GUCY1A2: variants seen among roughly 807,000 people sequenced by gnomAD.
The protein encoded by GUCY1A2 is guanylate cyclase soluble subunit alpha-2.
In GUCY1A2, 27 loss-of-function variants were observed where a neutral mutation model predicts 63.5. That is an observed-to-expected ratio of 0.43 (90% CI 0.31 to 0.59). The LOEUF (loss-of-function observed/expected upper bound fraction) is 0.59, where lower values mean the gene tolerates loss of function less well. Ranked by LOEUF, GUCY1A2 falls within the 20% of genes least tolerant of loss-of-function variation. The pLI, the probability that GUCY1A2 is intolerant of heterozygous loss-of-function variation, is 0.11. For missense variants in GUCY1A2, 768 were observed against 913.3 expected (o/e 0.84, Z 2.05); for synonymous variants, 364 against 343.5 (o/e 1.06, Z -0.66).
chr11:106,783,589 G>A (rs1048695188), intron 5 of GUCY1A2, among the ~76,000 whole-genome samples: 2 of 152,132 alleles, frequency 1.3e-5, no homozygotes, highest in African/African-American at 2.4e-5. Context: ...GAACCTATAG[G>A]TGATATCCTG....
chr11:106,761,412 G>C (rs935670673), intron 6 of GUCY1A2, among the ~76,000 whole-genome samples: 3 of 152,078 alleles, frequency 2.0e-5, no homozygotes, highest in Non-Finnish European at 2.9e-5. Context: ...CCCCAGTTCA[G>C]TAAAGCAAAA....
rs11211857 is a variant in GUCY1A2 at position 106,676,638 on chromosome 11, C to T, written c.*10911G>A. The T allele has an allele frequency of 0.014, 2,724 of 190,816 alleles. 82 individuals carry two copies. The highest frequency in any genetic ancestry group is 0.058 in the African/African-American group (2,484 of 43,060). 11.8% of individuals were successfully genotyped at this position (190,816 alleles called of 1,614,324 possible). On this transcript the variant is annotated 3_prime_UTR_variant, in exon 8 of 8. Coordinates refer to ENST00000526355, the MANE Select transcript of GUCY1A2 (RefSeq NM_000855.3). The stretch of plus-strand genomic sequence containing the variant: ...ACAGAAGGGTATCTAAGAAAGAAGA[C>T]AGTGCATCAGTTATCTCTAGATAAA...
intron 4 of GUCY1A2, among the ~76,000 whole-genome samples, chr11:106,869,761 T>A (rs546295143): frequency 1.3e-5 from 2 of 152,294 alleles, no homozygotes; most frequent in Admixed American, 1.3e-4. Context: ...ACTGGGTATA[T>A]ACCCAAAGGA....
At chr11:106,811,613 A>C (rs900561044) in intron 4 of GUCY1A2, among the ~76,000 whole-genome samples, 1 of 152,084 alleles carries the variant, frequency 6.6e-6, no homozygotes, top group Non-Finnish European at 1.5e-5. Context: ...CTGGATTTTT[A>C]AGTCATTAAT....
intron 4 of GUCY1A2, among the ~76,000 whole-genome samples, chr11:106,918,674 G>T (rs904170973): frequency 1.4e-5 from 2 of 145,364 alleles, no homozygotes; most frequent in African/African-American, 4.9e-5. Context: ...GAATCTATTA[G>T]ATCACTTACC....
chr11:106,721,417 A>G (rs906300712), intron 6 of GUCY1A2, among the ~76,000 whole-genome samples: 1 of 152,212 alleles, frequency 6.6e-6, no homozygotes, highest in Non-Finnish European at 1.5e-5. Flanking sequence ...ACAGTAAGGG[A>G]CTGTTATGTG....
intron 6 of GUCY1A2, among the ~76,000 whole-genome samples, chr11:106,709,170 T>A (rs1862978431): frequency 7.7e-6 from 1 of 129,252 alleles, no homozygotes; most frequent in Non-Finnish European, 1.6e-5. Flanking sequence ...ATAATATATA[T>A]AACTATATAT....
intron 6 of GUCY1A2, among the ~76,000 whole-genome samples, chr11:106,769,597 A>T (rs1864220615): frequency 6.6e-6 from 1 of 152,186 alleles, no homozygotes; most frequent in Non-Finnish European, 1.5e-5. Context: ...TTACTATTCA[A>T]AATGATAAAT....
chr11:106,799,807 A>T (rs545778954), intron 5 of GUCY1A2, among the ~76,000 whole-genome samples: 2,019 of 152,252 alleles, frequency 0.013, 53 homozygotes, highest in African/African-American at 0.044. Flanking sequence ...AACCTAGGCA[A>T]TACCATTCAG....
chr11:106,941,617 T>A (rs756670942), intron 3 of GUCY1A2, among the ~76,000 whole-genome samples: 1 of 152,234 alleles, frequency 6.6e-6, no homozygotes, highest in Admixed American at 6.5e-5. Context: ...TGCAGAGCAA[T>A]CTAGGCTGTC....
At chr11:106,794,518 AG>A in intron 5 of GUCY1A2, among the ~76,000 whole-genome samples, 1 of 151,962 alleles carries the variant, frequency 6.6e-6, no homozygotes, top group Non-Finnish European at 1.5e-5. Flanking sequence ...ACACACACAC[AG>A]AAACACAAAG....
At chr11:106,796,002 T>C (rs956683574) in intron 5 of GUCY1A2, among the ~76,000 whole-genome samples, 9 of 152,186 alleles carry the variant, frequency 5.9e-5, no homozygotes, top group African/African-American at 2.4e-5. Flanking sequence ...CTGTATTGGG[T>C]GCATATATAT....
chr11:106,881,764 C>A (rs1859827062), intron 4 of GUCY1A2, among the ~76,000 whole-genome samples: 1 of 151,870 alleles, frequency 6.6e-6, no homozygotes, highest in African/African-American at 2.4e-5. Context: ...AAAGACTTGT[C>A]CAGATTAATT....
chr11:106,679,638 G>T lies in GUCY1A2; in HGVS notation c.*7911C>A, dbSNP rs1425447865. On this transcript the variant is annotated 3_prime_UTR_variant, in exon 8 of 8. Transcript: ENST00000526355. Reference sequence around the variant, plus strand: ...TCTCACTGAATGCTAGCTCAGCCAGGCATGTTATAAAAGGAAAAAATATAG... The same window carrying T: ...TCTCACTGAATGCTAGCTCAGCCAGTCATGTTATAAAAGGAAAAAATATAG... The T allele has an allele frequency of 4.7e-6, 1 of 212,594 alleles. No individual in the cohort carries two copies. The highest frequency in any genetic ancestry group is 2.3e-5 in the African/African-American group (1 of 44,132). The allele number at this position is 212,594 out of a possible 1,614,324, so 13.2% of individuals were successfully genotyped here.
Position 106,682,609 on chromosome 11 carries a change from A to C in GUCY1A2, c.*4940T>G, listed in dbSNP as rs1311395993. ...TGGTTATAACATATTAGAAATAAAG[A>C]CACAAACTTTACTTCTCTGCATTCC... On this transcript the variant is annotated 3_prime_UTR_variant, in exon 8 of 8. Transcript: ENST00000526355. The C allele has an allele frequency of 4.7e-6, 1 of 212,806 alleles. No individual in the cohort carries two copies. Among genetic ancestry groups the C allele is most frequent in the Non-Finnish European group, 9.5e-6 (1 of 105,178 alleles). The allele number at this position is 212,806 out of a possible 1,614,324, so 13.2% of individuals were successfully genotyped here.
intron 6 of GUCY1A2, among the ~76,000 whole-genome samples, chr11:106,735,915 C>A (rs1472275030): frequency 6.6e-6 from 1 of 151,972 alleles, no homozygotes; most frequent in African/African-American, 2.4e-5. Flanking sequence ...ACCTGTTTTC[C>A]ATTTGTGTGT....
At position 106,711,074 on chromosome 11, in the gene GUCY1A2, A is replaced by T. The variant is rs150274851; in HGVS notation, c.1837-2408T>A. Among the ~76,000 whole-genome samples, 11 of 152,312 alleles carry T rather than the reference A, an allele frequency of 7.2e-5. No homozygotes were observed. The East Asian group carries it at 2.1e-3, about 29-fold the overall frequency. On this transcript the variant is annotated intron_variant, in intron 6 of 7. Transcript: ENST00000526355. Reference sequence around the variant, plus strand: ...AATTTATTTGAAAATTCAGTATGGTAGAAAGAGTCAAGATATATCTGAGAA... The same window carrying T: ...AATTTATTTGAAAATTCAGTATGGTTGAAAGAGTCAAGATATATCTGAGAA...
At chr11:106,764,276 T>A (rs117657698) in intron 6 of GUCY1A2, among the ~76,000 whole-genome samples, 1 of 152,070 alleles carries the variant, frequency 6.6e-6, no homozygotes, top group South Asian at 2.1e-4. Context: ...ATAGCAATAA[T>A]TTTTTAAGGA....
chr11:106,754,434 A>G (rs1219617165), intron 6 of GUCY1A2, among the ~76,000 whole-genome samples: 1 of 152,166 alleles, frequency 6.6e-6, no homozygotes, highest in African/African-American at 2.4e-5. Flanking sequence ...GTCTTGTGCC[A>G]GTTTTCAAAG....
Sources: allele counts gnomAD v4.1 joint callset (sites outside exome capture counted in the v4.1 genomes callset), GRCh38; gene constraint gnomAD v4.1.1; transcripts MANE v1.5; gene names NCBI Gene and HGNC (gene_info 2026-07-23, HGNC 2026-07-21).